ULK4: variants seen among roughly 807,000 people sequenced by gnomAD.
ULK4 encodes the protein inactive serine/threonine-protein kinase ULK4.
ULK4 carries 133 observed loss-of-function variants against 160.6 expected under a neutral mutation model. The observed-to-expected ratio is 0.83, with a 90% CI of 0.72 to 0.96. The LOEUF is 0.96. Ranked by LOEUF, ULK4 falls within the 40% of genes least tolerant of loss-of-function variation. The pLI, the probability that ULK4 is intolerant of heterozygous loss-of-function variation, is 0.00. For synonymous variants in ULK4, 534 were observed against 539.8 expected, an observed-to-expected ratio of 0.99 and a Z score of 0.15; for missense variants, 1,580 against 1,499.5, an observed-to-expected ratio of 1.05 and a Z score of -0.89.
intron 2 of ULK4, among the ~76,000 whole-genome samples, chr3:41,941,636 G>T (rs1699958809): frequency 6.7e-6 from 1 of 150,332 alleles, no homozygotes; most frequent in Non-Finnish European, 1.5e-5. Flanking sequence ...ACATGCCTGT[G>T]GTCCCAGCTA....
chr3:41,559,743 G>C (rs2087488342), intron 32 of ULK4, among the ~76,000 whole-genome samples: 1 of 150,752 alleles, frequency 6.6e-6, no homozygotes, highest in African/African-American at 2.4e-5. Context: ...TTGTAAATTT[G>C]TTTAAGTTCT....
At chr3:41,649,777 C>A (rs1209365723) in intron 30 of ULK4, among the ~76,000 whole-genome samples, 1 of 152,214 alleles carries the variant, frequency 6.6e-6, no homozygotes, top group Non-Finnish European at 1.5e-5. Flanking sequence ...CAGACAGGTT[C>A]CTGGGCAGAA....
chr3:41,712,919 C>CA (rs1013078821), intron 25 of ULK4, among the ~76,000 whole-genome samples: 61 of 145,976 alleles, frequency 4.2e-4, no homozygotes, highest in Middle Eastern at 3.4e-3. Flanking sequence ...AAAAAACAAG[C>CA]AAAAAAAAAA....
intron 31 of ULK4, among the ~76,000 whole-genome samples, chr3:41,593,971 G>A (rs1445971133): frequency 6.6e-6 from 1 of 151,988 alleles, no homozygotes; most frequent in Admixed American, 6.5e-5. Context: ...ATTGAGCCTG[G>A]GAGGCGGAGG....
At chr3:41,406,394 G>T (rs914113371) in intron 34 of ULK4, among the ~76,000 whole-genome samples, 5 of 152,190 alleles carry the variant, frequency 3.3e-5, no homozygotes, top group Non-Finnish European at 4.4e-5. Flanking sequence ...TTTGAAGTTG[G>T]TTAATATGAT....
intron 32 of ULK4, among the ~76,000 whole-genome samples, chr3:41,522,151 G>A (rs12638656): frequency 0.32 from 44,775 of 139,726 alleles, 7,210 homozygotes; most frequent in Middle Eastern, 0.35. Context: ...TTTTGAGACC[G>A]AGTCTTACTC....
At chr3:41,960,066 G>T (rs1700618026) in intron 1 of ULK4, among the ~76,000 whole-genome samples, 1 of 150,754 alleles carries the variant, frequency 6.6e-6, no homozygotes, top group South Asian at 2.1e-4. Context: ...TTTAAAGGAG[G>T]CTAGGTCTTG....
At position 41,341,847 on chromosome 3, in the gene ULK4, T is replaced by C. The variant is rs911711045; in HGVS notation, c.3678+56232A>G. ...GGAGCAACACAAATAGTCAAATGAA[T>C]GGCAATAATATACTTTAGAATTTCT... is the stretch of plus-strand genomic sequence containing the variant. On this transcript the variant is annotated intron_variant, in intron 35 of 36. Transcript: ENST00000301831. Among the ~76,000 whole-genome samples the C allele has an allele frequency of 3.3e-5, 5 of 152,168 alleles. No homozygotes were observed. In the East Asian group the frequency reaches 9.6e-4, roughly 29 times the overall value.
intron 21 of ULK4, among the ~76,000 whole-genome samples, chr3:41,762,702 G>A (rs1001575587): frequency 8.5e-5 from 11 of 128,840 alleles, no homozygotes; most frequent in Admixed American, 2.8e-4. Context: ...TCGCTCTGTC[G>A]CCCAGGCTGG....
chr3:41,299,219 C>T (rs1033129708), intron 35 of ULK4, among the ~76,000 whole-genome samples: 4 of 152,158 alleles, frequency 2.6e-5, no homozygotes, highest in East Asian at 1.9e-4. Context: ...TGCTGGTGAA[C>T]GAGAGGCCAC....
chr3:41,301,676 A>G (rs1447662065), intron 35 of ULK4, among the ~76,000 whole-genome samples: 3 of 152,202 alleles, frequency 2.0e-5, no homozygotes, highest in Admixed American at 6.5e-5. Flanking sequence ...AATATCTATT[A>G]ATACAATGAA....
chr3:41,770,659 C>A (rs2039324193), intron 21 of ULK4, among the ~76,000 whole-genome samples: 1 of 151,966 alleles, frequency 6.6e-6, no homozygotes, highest in African/African-American at 2.4e-5. Context: ...CACAAGCACG[C>A]ACTACCACGA....
intron 18 of ULK4, among the ~76,000 whole-genome samples, chr3:41,820,989 C>CCTTCCCTTATT (rs1049948198): frequency 2.6e-5 from 4 of 152,108 alleles, no homozygotes; most frequent in Non-Finnish European, 2.9e-5. Context: ...AACTTTCTTT[C>CCTTCCCTTATT]CTTCCCTTAT....
At chr3:41,641,450 A>C (rs2034189483) in intron 30 of ULK4, among the ~76,000 whole-genome samples, 1 of 152,212 alleles carries the variant, frequency 6.6e-6, no homozygotes, top group Non-Finnish European at 1.5e-5. Context: ...CAATCCCAGC[A>C]CTTTGGGAGG....
intron 35 of ULK4, among the ~76,000 whole-genome samples, chr3:41,395,209 A>AAAAAG (rs2082031704): frequency 6.8e-6 from 1 of 147,664 alleles, no homozygotes. Context: ...AAAAAAAAAA[A>AAAAAG]GATGGAGAAT....
chr3:41,362,903 A>T (rs1025353027), intron 35 of ULK4, among the ~76,000 whole-genome samples: 1 of 152,246 alleles, frequency 6.6e-6, no homozygotes, highest in Non-Finnish European at 1.5e-5. Flanking sequence ...AGGCACCAAG[A>T]GAGCAGAGCC....
chr3:41,315,690 C>T (rs1351693175), intron 35 of ULK4, among the ~76,000 whole-genome samples: 1 of 152,164 alleles, frequency 6.6e-6, no homozygotes, highest in African/African-American at 2.4e-5. Flanking sequence ...ACACAGGGCT[C>T]AGTCTCTCAT....
At chr3:41,548,031 T>C (rs982673786) in intron 32 of ULK4, among the ~76,000 whole-genome samples, 2 of 152,120 alleles carry the variant, frequency 1.3e-5, no homozygotes, top group African/African-American at 4.8e-5. Flanking sequence ...TGCAAGTGTG[T>C]TCAGTGGGCC....
At chr3:41,926,577 A>C (rs1222755293) in intron 5 of ULK4, among the ~76,000 whole-genome samples, 1 of 152,018 alleles carries the variant, frequency 6.6e-6, no homozygotes. Flanking sequence ...GTTCTAACCC[A>C]ATGCAAGGAA....
Sources: allele counts gnomAD v4.1 joint callset (sites outside exome capture counted in the v4.1 genomes callset), GRCh38; gene constraint gnomAD v4.1.1; transcripts MANE v1.5; gene names NCBI Gene and HGNC (gene_info 2026-07-23, HGNC 2026-07-21).